Variants in APBA2 observed in about 807,000 individuals in gnomAD.
The protein encoded by APBA2 is amyloid-beta A4 precursor protein-binding family A member 2.
APBA2 carries 30 observed loss-of-function variants against 75.0 expected under a neutral mutation model. The observed-to-expected ratio is 0.40, with a 90% CI of 0.30 to 0.54. The LOEUF is 0.54. Ranked by LOEUF, APBA2 falls within the 20% of genes least tolerant of loss-of-function variation. The probability of loss-of-function intolerance (pLI) is 0.49; values close to 1 mark genes in which losing one functional copy is unlikely to be tolerated. For synonymous variants in APBA2, 444 were observed against 409.6 expected, an observed-to-expected ratio of 1.08 and a Z score of -1.01; for missense variants, 801 against 1,016.1, an observed-to-expected ratio of 0.79 and a Z score of 2.88.
intron 3 of APBA2, among the ~76,000 whole-genome samples, chr15:29,024,795 T>C (rs918242565): frequency 2.6e-5 from 4 of 152,134 alleles, no homozygotes; most frequent in African/African-American, 9.7e-5. Flanking sequence ...ACATGTTTAT[T>C]CTGAGACCCA....
At chr15:28,986,634 T>A (rs991744226) in intron 2 of APBA2, among the ~76,000 whole-genome samples, 1 of 152,098 alleles carries the variant, frequency 6.6e-6, no homozygotes, top group South Asian at 2.1e-4. Flanking sequence ...GCCTGGCTAA[T>A]TTTTGTATTT....
At chr15:29,076,277 C>T (rs1039867834) in intron 6 of APBA2, among the ~76,000 whole-genome samples, 186 bp downstream of exon 6, 2 of 152,160 alleles carry the variant, frequency 1.3e-5, no homozygotes, top group African/African-American at 4.8e-5. Flanking sequence ...GGAGGTCCAG[C>T]TGATCTGCCC....
rs1272093383 is a variant in APBA2 at position 29,021,365 on chromosome 15, TA to T, written c.-41+25564del. On this transcript the variant is annotated intron_variant, in intron 3 of 14. Coordinates refer to ENST00000683413, the MANE Select transcript of APBA2 (RefSeq NM_001353788.2). Reference sequence around the variant, plus strand: ...CAACATGGTGAAACCCCGTCTCTACTAAAAATACAAAAATTAGCTGGGCATG... The same window carrying T: ...CAACATGGTGAAACCCCGTCTCTACTAAAATACAAAAATTAGCTGGGCATG... Among the ~76,000 whole-genome samples, 3 of 152,006 alleles carry T rather than the reference TA, an allele frequency of 2.0e-5. 1 individual carries two copies. The highest frequency in any genetic ancestry group is 4.4e-5 in the Non-Finnish European group (3 of 68,012).
Position 29,049,840 on chromosome 15 carries a change from G to GA in APBA2, c.-40-3998dup, listed in dbSNP as rs756459467. Reference sequence around the variant, plus strand: ...TGGAGGAACTAATTTATACCACACAGAAAAAAATGTGAAATGGGTGCTATG... The same window carrying GA: ...TGGAGGAACTAATTTATACCACACAGAAAAAAAATGTGAAATGGGTGCTATG... On this transcript the variant is annotated intron_variant, in intron 3 of 14. Coordinates refer to ENST00000683413, the MANE Select transcript of APBA2 (RefSeq NM_001353788.2). 9.2e-5 allele frequency among the ~76,000 whole-genome samples: 14 copies of GA among 152,184 alleles called. No individual in the cohort carries two copies. The East Asian group carries it at 2.5e-3, about 27-fold the overall frequency.
intron 3 of APBA2, among the ~76,000 whole-genome samples, chr15:29,033,961 T>A: frequency 2.7e-5 from 2 of 73,426 alleles, no homozygotes; most frequent in African/African-American, 9.1e-5. Context: ...TGAGACTCCA[T>A]CTCAAAAAAA....
intron 1 of APBA2, among the ~76,000 whole-genome samples, chr15:28,903,621 A>C (rs938773187): frequency 1.7e-4 from 26 of 152,198 alleles, no homozygotes; most frequent in African/African-American, 6.3e-4. Flanking sequence ...GGTCTTGTGG[A>C]GTCAGCAGGG....
At position 29,054,476 on chromosome 15, in the gene APBA2, C is replaced by T. The variant is rs771501234; in HGVS notation, c.592C>T (p.Pro198Ser). The T allele has an allele frequency of 1.2e-5, 19 of 1,614,070 alleles. No individual in the cohort carries two copies. Among genetic ancestry groups the T allele is most frequent in the Non-Finnish European group, 1.6e-5 (19 of 1,180,014 alleles). The change falls in exon 4 of 15, where the codon CCC becomes TCC. Residue 198 changes from proline (P) to serine (S), a missense_variant. Coordinates refer to ENST00000683413, the MANE Select transcript of APBA2 (RefSeq NM_001353788.2). The surrounding 1 kb of genome is among the most constrained non-coding windows in gnomAD (Gnocchi z 6.1). ...CAAAGAGGGCTACCAGGACTACTAC[C>T]CCGAGGAGGCCAACGGGAACACCGG... The part of the protein sequence containing the change: ...ASKEGYQDYY[P>S]EEANGNTGAS...
At chr15:29,013,094 C>T (rs2039480634) in intron 3 of APBA2, among the ~76,000 whole-genome samples, 1 of 151,960 alleles carries the variant, frequency 6.6e-6, no homozygotes, top group Non-Finnish European at 1.5e-5. Flanking sequence ...ATTAGTCTGA[C>T]ACAAGCTAGT....
At chr15:28,920,879 G>T (rs1171308932) in intron 1 of APBA2, among the ~76,000 whole-genome samples, 2 of 152,126 alleles carry the variant, frequency 1.3e-5, no homozygotes, top group Non-Finnish European at 2.9e-5. Context: ...GTCTTCTCAG[G>T]ATGTCAGTGG....
chr15:29,032,990 G>A (rs2040559869), intron 3 of APBA2, among the ~76,000 whole-genome samples: 1 of 152,346 alleles, frequency 6.6e-6, no homozygotes, highest in Admixed American at 6.5e-5. Context: ...GCTCTGTGGT[G>A]AGATCTGGGC....
chr15:29,093,044 A>G (rs1399006668), intron 6 of APBA2, 31 bp from the exon 7 acceptor site: 1 of 1,613,910 alleles, frequency 6.2e-7, no homozygotes, highest in African/African-American at 1.3e-5. Context: ...CTTCTCCTCT[A>G]GGAAGACTCT....
At chr15:29,048,258 G>A (rs59205627) in intron 3 of APBA2, among the ~76,000 whole-genome samples, 7,299 of 152,264 alleles carry the variant, frequency 0.048, 406 homozygotes, top group African/African-American at 0.13. Context: ...TGAGGCACAA[G>A]AATCACTTTA....
chr15:29,054,165 A>T lies in APBA2; in HGVS notation c.281A>T (p.Glu94Val). Residue 94 changes from glutamate to valine, a missense_variant, in exon 4 of 15, where the codon GAG (glutamate) becomes GTG (valine). Coordinates refer to ENST00000683413, the MANE Select transcript of APBA2 (RefSeq NM_001353788.2). The surrounding 1 kb of genome is among the most constrained non-coding windows in gnomAD (Gnocchi z 6.1). The part of the protein sequence containing the change: ...EDYDEGLPEE[E>V]EGITYYIRYC... ...TATGACGAGGGCCTCCCTGAGGAGG[A>T]GGAGGGCATCACCTACTACATCCGC... 6.2e-7 allele frequency: 1 copy of T among 1,614,166 alleles called. No homozygotes were observed. Among genetic ancestry groups the T allele is most frequent in the South Asian group, 1.1e-5 (1 of 91,084 alleles).
chr15:28,969,261 A>G (rs1456192765), intron 2 of APBA2, among the ~76,000 whole-genome samples: 2 of 151,058 alleles, frequency 1.3e-5, no homozygotes, highest in Non-Finnish European at 2.9e-5. Context: ...GCTCACTGCA[A>G]CCTCCGTCTC....
intron 3 of APBA2, among the ~76,000 whole-genome samples, chr15:29,027,725 C>A (rs536133758): frequency 6.6e-6 from 1 of 152,102 alleles, no homozygotes; most frequent in Non-Finnish European, 1.5e-5. Flanking sequence ...CCTCAGCCCA[C>A]CGAGTAGCTG....
intron 2 of APBA2, among the ~76,000 whole-genome samples, chr15:28,927,251 G>A (rs971034061): frequency 6.6e-6 from 1 of 151,986 alleles, no homozygotes; most frequent in Non-Finnish European, 1.5e-5. Context: ...TCCCTACCCC[G>A]CTGGTCATTT....
At chr15:29,066,565 G>A (rs1440578317) in intron 4 of APBA2, among the ~76,000 whole-genome samples, 1 of 152,044 alleles carries the variant, frequency 6.6e-6, no homozygotes, top group Non-Finnish European at 1.5e-5. Context: ...CAGGGAGTGG[G>A]GAGCTGGTGT....
At chr15:28,973,305 T>C (rs1385930620) in intron 2 of APBA2, among the ~76,000 whole-genome samples, 2 of 152,188 alleles carry the variant, frequency 1.3e-5, no homozygotes, top group Non-Finnish European at 2.9e-5. Flanking sequence ...GCACAGATGA[T>C]GAGATTGGAT....
chr15:29,037,935 C>T (rs938665972), intron 3 of APBA2, among the ~76,000 whole-genome samples: 1 of 152,170 alleles, frequency 6.6e-6, no homozygotes, highest in Non-Finnish European at 1.5e-5. Flanking sequence ...GCCTAATCAC[C>T]TCTTCAGCAT....
Sources: gnomAD v4.1 joint callset for allele counts (sites outside exome capture counted in the v4.1 genomes callset) on GRCh38, gnomAD v4.1.1 for gene constraint, Gnocchi (gnomAD v3.1) non-coding constraint, MANE v1.5 for transcripts, NCBI Gene and HGNC (gene_info 2026-07-23, HGNC 2026-07-21) for gene names.